The following UBE2E1 variants were observed in gnomAD, a reference collection of about 807,000 sequenced individuals.
UBE2E1 encodes ubiquitin conjugating enzyme E2 E1.
A neutral mutation model predicts 21.4 loss-of-function variants in UBE2E1; 6 were observed. That is an observed-to-expected ratio of 0.28 (90% CI 0.15 to 0.55). The LOEUF (loss-of-function observed/expected upper bound fraction) is 0.55. UBE2E1 is among the 20% of genes least tolerant of loss of function. UBE2E1 has a pLI of 0.93. For synonymous variants in UBE2E1, 87 were observed against 82.7 expected (o/e 1.05, Z -0.28); for missense variants, 142 against 236.5 (o/e 0.60, Z 2.62).
rs140260070 is a variant in UBE2E1, at chr3:23,819,220, G to A, written c.203+7710G>A. ...AATCGCTTGAACCCGGGAGACAGGGGTTGCAGTGAACCAAGATTGCGCCAC... is the reference window on the plus strand; with the variant it reads ...AATCGCTTGAACCCGGGAGACAGGGATTGCAGTGAACCAAGATTGCGCCAC... On this transcript the variant is annotated intron_variant, in intron 3 of 5. Transcript: ENST00000306627. Among the ~76,000 whole-genome samples, 609 of 152,238 alleles carry A rather than the reference G, an allele frequency of 4.0e-3. 6 individuals carry two copies. Among genetic ancestry groups the A allele is most frequent in the African/African-American group, 0.013 (545 of 41,534 alleles).
At position 23,807,095 on chromosome 3, in the gene UBE2E1, C is replaced by A. The variant is rs1056487793; in HGVS notation, c.-33-142C>A. 6.1e-6 allele frequency: 4 copies of A among 650,852 alleles called. No individual in the cohort carries two copies. The East Asian group carries it at 1.1e-4, about 18-fold the overall frequency. 40.3% of individuals were successfully genotyped at this position (650,852 alleles called of 1,614,324 possible). ...TCCGATTTGCAAAAGCCTTAATGGGCCTGCAGACTTTGAAAAGCGAGTGGA... is the reference window on the plus strand; with the variant it reads ...TCCGATTTGCAAAAGCCTTAATGGGACTGCAGACTTTGAAAAGCGAGTGGA... On this transcript the variant is annotated intron_variant, in intron 1 of 5. Transcript: ENST00000306627.
At position 23,842,246 on chromosome 3, in the gene UBE2E1, T is replaced by TGTG. The variant is rs1553637735; in HGVS notation, c.203+30740_203+30742dup. Among the ~76,000 whole-genome samples, 39 of 36,758 alleles carry TGTG rather than the reference T, an allele frequency of 1.1e-3. No individual in the cohort carries two copies. The highest frequency in any genetic ancestry group is 2.7e-3 in the African/African-American group (34 of 12,756). 24.1% of individuals were successfully genotyped at this position (36,758 alleles called of 152,430 possible). ...GTGTGTGTGTGTGTGTGTGTGTGTG[T>TGTG]GTGGTGTTGTTGTTGTTGGCGACAG... On this transcript the variant is annotated intron_variant, in intron 3 of 5. Coordinates refer to ENST00000306627, the MANE Select transcript of UBE2E1 (RefSeq NM_003341.5). The surrounding 1 kb of genome is among the most constrained non-coding windows in gnomAD (Gnocchi z 4.6).
rs1700359512 is a variant in UBE2E1, at chr3:23,853,017, A to G, written c.204-34550A>G. Among the ~76,000 whole-genome samples, 1 of 151,966 alleles carries G rather than the reference A, an allele frequency of 6.6e-6. No individual in the cohort carries two copies. The highest frequency in any genetic ancestry group is 6.6e-5 in the Admixed American group (1 of 15,260). The stretch of plus-strand genomic sequence containing the variant: ...CCACAACTTACGCCTCCTGAGTTCA[A>G]GTGATTCTCCTGCCTCAGCCTCCCA... On this transcript the variant is annotated intron_variant, in intron 3 of 5. Coordinates refer to ENST00000306627, the MANE Select transcript of UBE2E1 (RefSeq NM_003341.5). The surrounding 1 kb of genome is among the most constrained non-coding windows in gnomAD (Gnocchi z 4.1).
chr3:23,807,929 CA>C (rs1319721982), intron 2 of UBE2E1: 1 of 152,240 alleles, frequency 6.6e-6, no homozygotes, highest in Admixed American at 6.5e-5. Flanking sequence ...TAGGTGAAGA[CA>C]GATGTTTTCT....
Position 23,891,610 on chromosome 3 carries a change from T to C in UBE2E1, c.*1004T>C, listed in dbSNP as rs1327273137. On this transcript the variant is annotated 3_prime_UTR_variant, in exon 6 of 6. Coordinates refer to ENST00000306627, the MANE Select transcript of UBE2E1 (RefSeq NM_003341.5). ...AGTACATGAGAAATGGGTTCCGTCA[T>C]GGATAAATTGGTACCCTGCCTTAGG... The C allele has an allele frequency of 2.0e-5, 3 of 152,232 alleles. No homozygotes were observed. 9.4% of individuals were successfully genotyped at this position (152,232 alleles called of 1,614,324 possible).
chr3:23,810,529 G>T lies in UBE2E1; in HGVS notation c.153-931G>T. ...TTAGAGGACGCCCGGGGAAAAGCAG[G>T]TCCGGGGAGGTGGGCCGAGAGTCCC... On this transcript the variant is annotated intron_variant, in intron 2 of 5. Transcript: ENST00000306627. This position sits in a 1 kb window ranked among gnomAD's most constrained non-coding sequence, Gnocchi z 5.8. 6.5e-7 allele frequency: 1 copy of T among 1,534,910 alleles called. No individual in the cohort carries two copies. The highest frequency in any genetic ancestry group is 1.2e-5 in the South Asian group (1 of 84,030).
At chr3:23,843,887 T>G (rs941504297) in intron 3 of UBE2E1, among the ~76,000 whole-genome samples, 3 of 152,254 alleles carry the variant, frequency 2.0e-5, no homozygotes, top group African/African-American at 7.2e-5. Context: ...TCCTGTGTTT[T>G]TATATTTTTA....
At chr3:23,880,884 T>G (rs1701023045) in intron 3 of UBE2E1, among the ~76,000 whole-genome samples, 1 of 152,252 alleles carries the variant, frequency 6.6e-6, no homozygotes, top group Non-Finnish European at 1.5e-5. Flanking sequence ...TCAAATGATT[T>G]GTAGTACAGT....
rs552635026 is a variant in UBE2E1, at chr3:23,886,242, T to TA, written c.204-1323dup. 3.4e-3 allele frequency among the ~76,000 whole-genome samples: 511 copies of TA among 152,306 alleles called. 1 individual carries two copies. The highest frequency in any genetic ancestry group is 0.024 in the Middle Eastern group (7 of 294). ...AAAACAAGTTTTTAATAGTTTTTGG[T>TA]AATACCCATCACAAAGAGATATTAA... On this transcript the variant is annotated intron_variant, in intron 3 of 5. Coordinates refer to ENST00000306627, the MANE Select transcript of UBE2E1 (RefSeq NM_003341.5).
At chr3:23,889,449 A>G (rs1440142710) in intron 5 of UBE2E1, 190 bp downstream of exon 5, 1 of 1,423,220 alleles carries the variant, frequency 7.0e-7, no homozygotes, top group African/African-American at 1.4e-5. Flanking sequence ...ATTAATCAGT[A>G]TATTCTAGCA....
At chr3:23,847,222 T>A (rs1407299581) in intron 3 of UBE2E1, among the ~76,000 whole-genome samples, 4 of 152,170 alleles carry the variant, frequency 2.6e-5, no homozygotes, top group African/African-American at 9.6e-5. Flanking sequence ...TGTAGTGATC[T>A]TATACACCAG....
intron 3 of UBE2E1, among the ~76,000 whole-genome samples, chr3:23,829,295 G>A (rs967582927): frequency 2.7e-5 from 4 of 149,984 alleles, no homozygotes; most frequent in African/African-American, 9.9e-5. Flanking sequence ...TAAGTAGCTG[G>A]GACAACAGGT....
At position 23,842,095 on chromosome 3, in the gene UBE2E1, T is replaced by C. The variant is rs1700096804; in HGVS notation, c.203+30585T>C. On this transcript the variant is annotated intron_variant, in intron 3 of 5. Coordinates refer to ENST00000306627, the MANE Select transcript of UBE2E1 (RefSeq NM_003341.5). The surrounding 1 kb of genome is among the most constrained non-coding windows in gnomAD (Gnocchi z 4.6). ...TTTATTGTAACTAGGTGAAAGTAAATGTGGTGTAACTTTTGGTTTGACTAT... is the reference window on the plus strand; with the variant it reads ...TTTATTGTAACTAGGTGAAAGTAAACGTGGTGTAACTTTTGGTTTGACTAT... 1.3e-5 allele frequency among the ~76,000 whole-genome samples: 2 copies of C among 152,092 alleles called. No individual in the cohort carries two copies. The highest frequency in any genetic ancestry group is 1.3e-4 in the Admixed American group (2 of 15,258).
intron 3 of UBE2E1, among the ~76,000 whole-genome samples, chr3:23,812,741 G>T (rs1428676497): frequency 6.6e-6 from 1 of 152,116 alleles, no homozygotes; most frequent in Admixed American, 6.5e-5. Flanking sequence ...TAAGACTTAG[G>T]CCTAACTCAT....
intron 3 of UBE2E1, among the ~76,000 whole-genome samples, chr3:23,824,358 T>C (rs1699707653): frequency 6.6e-6 from 1 of 152,234 alleles, no homozygotes; most frequent in African/African-American, 2.4e-5. Flanking sequence ...AGGCATTCTT[T>C]GATGACTTAG....
intron 3 of UBE2E1, among the ~76,000 whole-genome samples, chr3:23,843,658 G>T (rs951040720): frequency 6.6e-6 from 1 of 152,110 alleles, no homozygotes; most frequent in Non-Finnish European, 1.5e-5. Flanking sequence ...AACTCCCCCA[G>T]AGCATCCCAC....
chr3:23,838,108 C>T (rs1700008084), intron 3 of UBE2E1, among the ~76,000 whole-genome samples: 1 of 151,770 alleles, frequency 6.6e-6, no homozygotes, highest in South Asian at 2.1e-4. Flanking sequence ...TGTTCTGTTG[C>T]CCAGGCTATA....
In UBE2E1 at chr3:23,876,917, G is replaced by A. The variant is rs1401659889; in HGVS notation, c.204-10650G>A. On this transcript the variant is annotated intron_variant, in intron 3 of 5. Coordinates refer to ENST00000306627, the MANE Select transcript of UBE2E1 (RefSeq NM_003341.5). The surrounding 1 kb of genome is among the most constrained non-coding windows in gnomAD (Gnocchi z 4.3). ...AAATTAGCCAGGTGTGGTGATGCACGCCTGTAATCCTAGCAACTCAGGAGG... is the reference window on the plus strand; with the variant it reads ...AAATTAGCCAGGTGTGGTGATGCACACCTGTAATCCTAGCAACTCAGGAGG... 6.6e-6 allele frequency among the ~76,000 whole-genome samples: 1 copy of A among 152,154 alleles called. No homozygotes were observed. Among genetic ancestry groups the A allele is most frequent in the Non-Finnish European group, 1.5e-5 (1 of 68,032 alleles).
rs1700270200 is a variant in UBE2E1 at position 23,849,183 on chromosome 3, A to C, written c.203+37673A>C. Among the ~76,000 whole-genome samples the C allele has an allele frequency of 3.3e-5, 5 of 152,058 alleles. No homozygotes were observed. In the South Asian group the frequency reaches 1.0e-3, roughly 32 times the overall value. ...AATGATTATGTTTAACATTTTGAGG[A>C]GCTGCAAAACTGTTTTCCTAAGTGC... On this transcript the variant is annotated intron_variant, in intron 3 of 5. Coordinates refer to ENST00000306627, the MANE Select transcript of UBE2E1 (RefSeq NM_003341.5).
Sources: allele counts gnomAD v4.1 joint callset (sites outside exome capture counted in the v4.1 genomes callset), GRCh38; gene constraint gnomAD v4.1.1; non-coding constraint Gnocchi (gnomAD v3.1); transcripts MANE v1.5; gene names NCBI Gene and HGNC (gene_info 2026-07-23, HGNC 2026-07-21).